Variants in MAD1L1 observed in about 807,000 individuals in gnomAD.
The protein encoded by MAD1L1 is mitotic spindle assembly checkpoint protein MAD1.
Under a neutral mutation model 96.9 loss-of-function variants are expected in MAD1L1, and 95 were observed. That is an observed-to-expected ratio of 0.98 (90% CI 0.83 to 1.16). The LOEUF (loss-of-function observed/expected upper bound fraction) is 1.16. Among genes scored for constraint, MAD1L1 ranks in the 50% most tolerant of loss-of-function variants. The pLI, the probability that MAD1L1 is intolerant of heterozygous loss-of-function variation, is 0.00. For missense variants in MAD1L1, 1,007 were observed against 954.4 expected, an observed-to-expected ratio of 1.06 and a Z score of -0.73; for synonymous variants, 473 against 396.6, an observed-to-expected ratio of 1.19 and a Z score of -2.29.
chr7:2,188,612 G>C (rs551793793), intron 10 of MAD1L1, among the ~76,000 whole-genome samples: 1 of 152,140 alleles, frequency 6.6e-6, no homozygotes, highest in Non-Finnish European at 1.5e-5. Flanking sequence ...TCAACACATG[G>C]TGCTGGAAAA....
At chr7:2,199,494 A>C (rs1179818893) in intron 10 of MAD1L1, among the ~76,000 whole-genome samples, 1 of 152,268 alleles carries the variant, frequency 6.6e-6, no homozygotes, top group African/African-American at 2.4e-5. Flanking sequence ...TAAGGACTGC[A>C]GTGAACACTT....
chr7:2,019,341 T>G (rs1431946116), intron 12 of MAD1L1, among the ~76,000 whole-genome samples: 1 of 152,166 alleles, frequency 6.6e-6, no homozygotes, highest in Non-Finnish European at 1.5e-5. Flanking sequence ...GACTCTGGCA[T>G]CCGTGGGGCC....
intron 11 of MAD1L1, among the ~76,000 whole-genome samples, chr7:2,106,922 G>C (rs1584336816): frequency 6.6e-6 from 1 of 152,302 alleles, no homozygotes; most frequent in East Asian, 1.9e-4. Context: ...GGGGCCCGGG[G>C]GTCCAGAACG....
intron 10 of MAD1L1, among the ~76,000 whole-genome samples, chr7:2,154,849 G>A (rs1789745471): frequency 6.6e-6 from 1 of 152,160 alleles, no homozygotes; most frequent in Admixed American, 6.5e-5. Flanking sequence ...AACGGGTCAG[G>A]AGGTCACCTC....
At chr7:2,087,114 T>C (rs535401601) in intron 11 of MAD1L1, among the ~76,000 whole-genome samples, 243 of 152,290 alleles carry the variant, frequency 1.6e-3, no homozygotes, top group African/African-American at 5.6e-3. Flanking sequence ...GGAAGAGCGC[T>C]GTGACCAAGG....
intron 14 of MAD1L1, among the ~76,000 whole-genome samples, chr7:1,996,647 G>C (rs574280474): frequency 6.6e-6 from 1 of 152,220 alleles, no homozygotes; most frequent in Admixed American, 6.5e-5. Context: ...CAGCCTGTCC[G>C]GGCCTCAGTG....
intron 10 of MAD1L1, among the ~76,000 whole-genome samples, chr7:2,163,477 G>A (rs558371699): frequency 3.3e-5 from 5 of 152,216 alleles, no homozygotes; most frequent in Non-Finnish European, 5.9e-5. Flanking sequence ...CGGTTCAAGC[G>A]ATTCTTCTGC....
chr7:2,157,418 A>C (rs1249838594), intron 10 of MAD1L1, among the ~76,000 whole-genome samples: 1 of 152,198 alleles, frequency 6.6e-6, no homozygotes, highest in Non-Finnish European at 1.5e-5. Context: ...ACCCGCAAAA[A>C]CTAAGAGACT....
chr7:2,025,636 T>C (rs1219013427), intron 12 of MAD1L1, among the ~76,000 whole-genome samples: 5 of 152,198 alleles, frequency 3.3e-5, no homozygotes. Flanking sequence ...GGGTTAGAAA[T>C]GTGTACATAT....
At chr7:2,094,750 A>AGG in intron 11 of MAD1L1, among the ~76,000 whole-genome samples, 1 of 142,714 alleles carries the variant, frequency 7.0e-6, no homozygotes, top group East Asian at 2.2e-4. Context: ...CAAAGCAGCA[A>AGG]GGGGGAAGGA....
chr7:1,838,086 C>T (rs983776283), intron 18 of MAD1L1, among the ~76,000 whole-genome samples: 1 of 152,226 alleles, frequency 6.6e-6, no homozygotes, highest in Admixed American at 6.5e-5. Flanking sequence ...TAACCCCGTG[C>T]AGGGGCTGCA....
intron 11 of MAD1L1, among the ~76,000 whole-genome samples, chr7:2,141,114 G>T (rs1320944854): frequency 6.6e-6 from 1 of 152,244 alleles, no homozygotes; most frequent in Non-Finnish European, 1.5e-5. Flanking sequence ...GCTGGACCCG[G>T]CCCCGTCATG....
At chr7:2,058,545 G>A (rs1351710913) in intron 12 of MAD1L1, among the ~76,000 whole-genome samples, 2 of 96,678 alleles carry the variant, frequency 2.1e-5, no homozygotes, top group African/African-American at 7.9e-5. Context: ...GAGAGGGAGT[G>A]TGGCCAGAGG....
intron 9 of MAD1L1, among the ~76,000 whole-genome samples, chr7:2,214,102 T>C: frequency 6.6e-6 from 1 of 152,182 alleles, no homozygotes; most frequent in East Asian, 1.9e-4. Context: ...CTCTGAGCAC[T>C]TTGCATAGAC....
intron 16 of MAD1L1, among the ~76,000 whole-genome samples, chr7:1,955,521 C>G (rs1779687615): frequency 6.6e-6 from 1 of 152,294 alleles, no homozygotes; most frequent in Non-Finnish European, 1.5e-5. Context: ...GAGCTCCTGA[C>G]CTCAGGCAAT....
intron 16 of MAD1L1, among the ~76,000 whole-genome samples, chr7:1,947,244 C>T (rs1779271313): frequency 6.6e-6 from 1 of 152,172 alleles, no homozygotes; most frequent in South Asian, 2.1e-4. Flanking sequence ...TCCTCAAGGT[C>T]CCTGCTGGGG....
intron 17 of MAD1L1, among the ~76,000 whole-genome samples, chr7:1,905,999 G>A (rs965984135): frequency 3.4e-5 from 5 of 146,752 alleles, no homozygotes; most frequent in East Asian, 2.1e-4. Flanking sequence ...GCAGTGAGCC[G>A]AGATTGCGCC....
chr7:1,860,702 AGGATCCCCT>A (rs1012670452), intron 18 of MAD1L1, among the ~76,000 whole-genome samples: 3 of 152,186 alleles, frequency 2.0e-5, no homozygotes, highest in Non-Finnish European at 4.4e-5. Context: ...TCAGGGAATA[AGGATCCCCT>A]GGGCATCATC....
chr7:1,897,218 C>A (rs1203486935), intron 18 of MAD1L1, among the ~76,000 whole-genome samples: 2 of 152,270 alleles, frequency 1.3e-5, no homozygotes, highest in African/African-American at 2.4e-5. Context: ...GACGGACATG[C>A]GTAGGCCGCA....
Sources: gnomAD v4.1 joint callset for allele counts (sites outside exome capture counted in the v4.1 genomes callset) on GRCh38, gnomAD v4.1.1 for gene constraint, MANE v1.5 for transcripts, NCBI Gene and HGNC (gene_info 2026-07-23, HGNC 2026-07-21) for gene names.